The following TIMM50 variants were observed in gnomAD, a reference collection of about 807,000 sequenced individuals.
The protein encoded by TIMM50 is mitochondrial import inner membrane translocase subunit TIM50.
TIMM50 carries 34 observed loss-of-function variants against 49.6 expected under a neutral mutation model. That is an observed-to-expected ratio of 0.69 (90% CI 0.52 to 0.91). TIMM50 has a LOEUF of 0.91. TIMM50 is among the 40% of genes least tolerant of loss of function. The probability of loss-of-function intolerance (pLI) is 0.00; values close to 1 mark genes in which losing one functional copy is unlikely to be tolerated. For missense variants in TIMM50, 458 were observed against 477.8 expected (o/e 0.96, Z 0.39); for synonymous variants, 199 against 198.4 (o/e 1.00, Z -0.03).
intron 4 of TIMM50, 147 bp from the exon 5 acceptor site, chr19:39,485,397 T>C (rs2079497776): frequency 2.3e-6 from 2 of 860,922 alleles, no homozygotes; most frequent in Admixed American, 2.2e-5. Flanking sequence ...TGTCATTGCC[T>C]TCTATCTTTG....
At chr19:39,481,497 G>C (rs2079471385) in intron 1 of TIMM50, among the ~76,000 whole-genome samples, 1 of 152,034 alleles carries the variant, frequency 6.6e-6, no homozygotes, top group Admixed American at 6.6e-5. Flanking sequence ...CCAAGCAGCC[G>C]GACGTCGTAA....
At chr19:39,488,452 T>TGGG in intron 9 of TIMM50, 87 bp from the exon 10 acceptor site, 1 of 1,279,442 alleles carries the variant, frequency 7.8e-7, no homozygotes, top group East Asian at 2.3e-5. Flanking sequence ...ACTGCCCCCG[T>TGGG]GCCCCAGTGC....
In TIMM50 at chr19:39,480,893, G is replaced by T; in HGVS notation, c.40G>T (p.Gly14Trp). ...AGCGGTGTTCTCGCGCTTGCGAAGC[G>T]GGCTCCGGCTCGGCTCGCGGGGACT... ...SAAVFSRLRSGLRLGSRGLCT... is the reference protein window; with the variant it reads ...SAAVFSRLRSWLRLGSRGLCT... The change falls in exon 1 of 11, where the codon GGG becomes TGG. Residue 14 changes from glycine (G) to tryptophan (W), a missense_variant. Gly to Trp is a radical substitution (Grantham distance 184). Coordinates refer to ENST00000607714, the MANE Select transcript of TIMM50 (RefSeq NM_001001563.5). The T allele has an allele frequency of 6.3e-7, 1 of 1,598,932 alleles. No homozygotes were observed. Among genetic ancestry groups the T allele is most frequent in the Non-Finnish European group, 8.5e-7 (1 of 1,176,854 alleles).
intron 8 of TIMM50, 69 bp downstream of exon 8, chr19:39,486,564 C>T (rs2079509102): frequency 7.2e-7 from 1 of 1,384,896 alleles, no homozygotes. Flanking sequence ...AAGGAGGGCC[C>T]AGCTCTGACC....
rs1470199505 is a variant in TIMM50, at chr19:39,482,916, G to C, written c.291G>C (p.Lys97Asn). 1 of 1,614,014 alleles carries C rather than the reference G, an allele frequency of 6.2e-7. No individual in the cohort carries two copies. The highest frequency in any genetic ancestry group is 2.2e-5 in the East Asian group (1 of 44,876). ...GNNPVDENGA[K>N]IPDEFDNDPI... ...ACCCGGTGGACGAAAATGGTGCCAA[G>C]GTGAGGGGGAAAGAGACCGAGGCCT... is the stretch of plus-strand genomic sequence containing the variant. Residue 97 changes from lysine to asparagine, a missense_variant and splice_region_variant, in exon 3 of 11, where the codon AAG becomes AAC. Coordinates refer to ENST00000607714, the MANE Select transcript of TIMM50 (RefSeq NM_001001563.5).
rs532794622 is a variant in TIMM50 at position 39,487,263 on chromosome 19, G to A, written c.696+768G>A. On this transcript the variant is annotated intron_variant, in intron 8 of 10. Coordinates refer to ENST00000607714, the MANE Select transcript of TIMM50 (RefSeq NM_001001563.5). Reference sequence around the variant, plus strand: ...TATGTGATTAGCTCCCCAATATCCTGGGGGTTGTTTTGTTTTTTGTTTCTG... The same window carrying A: ...TATGTGATTAGCTCCCCAATATCCTAGGGGTTGTTTTGTTTTTTGTTTCTG... Among the ~76,000 whole-genome samples the A allele has an allele frequency of 6.2e-4, 95 of 152,138 alleles. No homozygotes were observed. The South Asian group carries it at 0.02, about 31-fold the overall frequency.
intron 10 of TIMM50, 27 bp downstream of exon 10, chr19:39,488,672 G>A: frequency 1.3e-6 from 2 of 1,591,676 alleles, no homozygotes; most frequent in Non-Finnish European, 1.7e-6. Flanking sequence ...CCAGAGTGGA[G>A]GATCGGCTCT....
chr19:39,489,938 G>T lies in TIMM50; in HGVS notation c.*118G>T. On this transcript the variant is annotated 3_prime_UTR_variant, in exon 11 of 11. Transcript: ENST00000607714. ...CCAGACGCCACACCTGCTGTGTCCC[G>T]AGAGTCTCCAGATGGGGGCATCAGG... 1 of 991,744 alleles carries T rather than the reference G, an allele frequency of 1.0e-6. No individual in the cohort carries two copies. The highest frequency in any genetic ancestry group is 1.5e-6 in the Non-Finnish European group (1 of 656,650). The allele number at this position is 991,744 out of a possible 1,614,324, so 61.4% of individuals were successfully genotyped here.
At chr19:39,486,702 G>T (rs539827058) in intron 8 of TIMM50, among the ~76,000 whole-genome samples, 4 of 152,286 alleles carry the variant, frequency 2.6e-5, no homozygotes, top group Non-Finnish European at 5.9e-5. Context: ...GGAGTGGGGG[G>T]AAATGGGGTC....
At chr19:39,481,687 C>A (rs910158758) in intron 1 of TIMM50, among the ~76,000 whole-genome samples, 196 bp from the exon 2 acceptor site, 1 of 152,174 alleles carries the variant, frequency 6.6e-6, no homozygotes, top group Admixed American at 6.6e-5. Flanking sequence ...AAACTCCTGG[C>A]ATCCTGGTGC....
chr19:39,487,749 G>T (rs574545166), intron 8 of TIMM50, among the ~76,000 whole-genome samples: 1 of 151,926 alleles, frequency 6.6e-6, no homozygotes, highest in Non-Finnish European at 1.5e-5. Flanking sequence ...GTGAGCCACC[G>T]CACCCGGCCA....
In TIMM50 at chr19:39,486,511, G is replaced by T. The variant is rs780560091; in HGVS notation, c.696+16G>T. 7.4e-6 allele frequency: 12 copies of T among 1,612,526 alleles called. No homozygotes were observed. The African/African-American group carries it at 1.6e-4, about 22-fold the overall frequency. On this transcript the variant is annotated intron_variant, in intron 8 of 10. Coordinates refer to ENST00000607714, the MANE Select transcript of TIMM50 (RefSeq NM_001001563.5). ...CCATGTAAAGGTGCCGTGGGTTCAT[G>T]GGTGGGCCTCTGGGATTTGGCGGAG...
intron 1 of TIMM50, chr19:39,481,398 G>A (rs1331496463): frequency 8.0e-6 from 2 of 248,974 alleles, no homozygotes; most frequent in Non-Finnish European, 1.5e-5. Flanking sequence ...TATCACTTCT[G>A]TGCCTTAGTT....
chr19:39,482,955 A>T (rs1465299494), intron 3 of TIMM50, 39 bp downstream of exon 3: 1 of 1,613,956 alleles, frequency 6.2e-7, no homozygotes, highest in Non-Finnish European at 8.5e-7. Flanking sequence ...CAGGAGTCCT[A>T]GTCTGTGGGT....
chr19:39,484,029 G>A (rs2079489261), intron 4 of TIMM50, among the ~76,000 whole-genome samples: 1 of 151,576 alleles, frequency 6.6e-6, no homozygotes, highest in Non-Finnish European at 1.5e-5. Flanking sequence ...AATTTTTATA[G>A]TTTTAGTAGA....
chr19:39,486,319 AT>A, intron 7 of TIMM50, 28 bp downstream of exon 7: 1 of 1,613,576 alleles, frequency 6.2e-7, no homozygotes, highest in South Asian at 1.1e-5. Context: ...GGGAGGGAAT[AT>A]TGGTGTGGTG....
At chr19:39,483,384 C>A in intron 4 of TIMM50, 2 of 517,276 alleles carry the variant, frequency 3.9e-6, no homozygotes, top group African/African-American at 1.9e-5. Context: ...GGATTGGAGC[C>A]TTGGGTGGGA....
At chr19:39,482,745 C>T in intron 2 of TIMM50, 140 bp from the exon 3 acceptor site, 1 of 1,061,074 alleles carries the variant, frequency 9.4e-7, no homozygotes, top group Non-Finnish European at 1.4e-6. Flanking sequence ...TGGCTCCCAG[C>T]CCCCTCCTGG....
chr19:39,488,291 A>C (rs1449518602), intron 9 of TIMM50, 74 bp downstream of exon 9: 2 of 1,531,354 alleles, frequency 1.3e-6, no homozygotes, highest in Non-Finnish European at 1.8e-6. Context: ...TAAATGCATG[A>C]TTCATGGCTG....
Sources: gnomAD v4.1 joint callset for allele counts (sites outside exome capture counted in the v4.1 genomes callset) on GRCh38, gnomAD v4.1.1 for gene constraint, MANE v1.5 for transcripts, NCBI Gene and HGNC (gene_info 2026-07-23, HGNC 2026-07-21) for gene names.